The following CHD7 variants were observed in gnomAD, a reference collection of about 807,000 sequenced individuals.
CHD7 encodes the protein ATP-dependent chromatin remodeler CHD7.
A neutral mutation model predicts 307.3 loss-of-function variants in CHD7; 24 were observed. That is an observed-to-expected ratio of 0.08 (90% CI 0.06 to 0.11). The LOEUF is 0.11. Ranked by LOEUF, CHD7 falls within the 10% of genes least tolerant of loss-of-function variation. CHD7 has a pLI of 1.00. For missense variants in CHD7, 3,106 were observed against 3,727.1 expected, an observed-to-expected ratio of 0.83 and a Z score of 4.34; for synonymous variants, 1,363 against 1,349.9, an observed-to-expected ratio of 1.01 and a Z score of -0.21.
At chr8:60,842,311 G>A (rs1805009903) in intron 21 of CHD7, among the ~76,000 whole-genome samples, 1 of 152,140 alleles carries the variant, frequency 6.6e-6, no homozygotes, top group African/African-American at 2.4e-5. Flanking sequence ...CAGATCTAGA[G>A]TTACATGTTG....
chr8:60,815,158 G>A (rs777706685), intron 7 of CHD7, among the ~76,000 whole-genome samples: 70 of 152,008 alleles, frequency 4.6e-4, no homozygotes, highest in Non-Finnish European at 9.4e-4. Context: ...CTCAATTATA[G>A]AAGGACTAAA....
chr8:60,728,796 C>G (rs1275883372), intron 1 of CHD7, among the ~76,000 whole-genome samples: 1 of 152,152 alleles, frequency 6.6e-6, no homozygotes, highest in Non-Finnish European at 1.5e-5. Context: ...AGAATTCTTT[C>G]AAAATTAAGA....
intron 34 of CHD7, among the ~76,000 whole-genome samples, chr8:60,858,594 G>GT (rs1805824020): frequency 6.6e-6 from 1 of 152,038 alleles, no homozygotes; most frequent in South Asian, 2.1e-4. Flanking sequence ...ATATTTGTAG[G>GT]TTTTTTTGTT....
At chr8:60,818,288 C>T (rs1803840667) in intron 8 of CHD7, among the ~76,000 whole-genome samples, 1 of 152,196 alleles carries the variant, frequency 6.6e-6, no homozygotes, top group South Asian at 2.1e-4. Flanking sequence ...AATGTCTATT[C>T]AAAAACATCA....
At chr8:60,774,582 T>C (rs967668937) in intron 2 of CHD7, among the ~76,000 whole-genome samples, 1 of 152,158 alleles carries the variant, frequency 6.6e-6, no homozygotes, top group Admixed American at 6.5e-5. Flanking sequence ...TTGGTACCCC[T>C]GGGCCTGCAG....
intron 34 of CHD7, among the ~76,000 whole-genome samples, chr8:60,858,089 C>G (rs1805796123): frequency 6.6e-6 from 1 of 152,188 alleles, no homozygotes; most frequent in Admixed American, 6.5e-5. Context: ...AACCTTTTCT[C>G]TACTACAATT....
intron 21 of CHD7, among the ~76,000 whole-genome samples, chr8:60,844,347 A>G (rs1222454486): frequency 6.6e-6 from 1 of 152,210 alleles, no homozygotes; most frequent in South Asian, 2.1e-4. Context: ...CTCCGTTTCA[A>G]AAGGAACCTC....
intron 8 of CHD7, among the ~76,000 whole-genome samples, chr8:60,819,599 C>A (rs1803930419): frequency 6.6e-6 from 1 of 152,228 alleles, no homozygotes; most frequent in Non-Finnish European, 1.5e-5. Context: ...AGGCATCGGA[C>A]AACTCCAGGA....
chr8:60,863,724 A>C (rs557096136), intron 37 of CHD7: 1 of 150,386 alleles, frequency 6.6e-6, no homozygotes, highest in South Asian at 2.1e-4. Flanking sequence ...CTCCCATACA[A>C]TATCTTTTTT....
Position 60,853,316 on chromosome 8 carries a change from T to C in CHD7, c.6591T>C (p.Asp2197=). The C allele has an allele frequency of 1.2e-6, 2 of 1,603,148 alleles. No individual in the cohort carries two copies. Among genetic ancestry groups the C allele is most frequent in the East Asian group, 4.5e-5 (2 of 44,676 alleles). The change falls in exon 31 of 38, where the codon GAT becomes GAC. Residue 2197 remains aspartate (D), a synonymous_variant. Coordinates refer to ENST00000423902, the MANE Select transcript of CHD7 (RefSeq NM_017780.4). The part of the protein sequence containing the change: ...CEGKEEEEET[D]GSGKESKQEC... Reference sequence around the variant, plus strand: ...GCAAAGAAGAGGAAGAAGAAACCGATGGCAGCGGGAAGGAGAGCAAGCAGG... The same window carrying C: ...GCAAAGAAGAGGAAGAAGAAACCGACGGCAGCGGGAAGGAGAGCAAGCAGG...
In CHD7 at chr8:60,771,784, C is replaced by G. The variant is rs184523590; in HGVS notation, c.1666-9216C>G. ...GGGCTTCAGTAATTGCTGGCTGTTG[C>G]CTGGGGCCACCTTCAGCTCCTGAAG... On this transcript the variant is annotated intron_variant, in intron 2 of 37. Transcript: ENST00000423902. 1.6e-4 allele frequency among the ~76,000 whole-genome samples: 23 copies of G among 148,270 alleles called. No homozygotes were observed. The Admixed American group carries it at 1.6e-3, about 10-fold the overall frequency.
intron 27 of CHD7, 38 bp from the exon 28 acceptor site, chr8:60,851,224 C>CA: frequency 2.0e-6 from 3 of 1,537,776 alleles, no homozygotes; most frequent in Non-Finnish European, 2.6e-6. Context: ...AATGAGACCC[C>CA]AAATTAAAGT....
intron 1 of CHD7, among the ~76,000 whole-genome samples, chr8:60,737,933 A>G (rs1325750988): frequency 6.6e-6 from 1 of 152,192 alleles, no homozygotes. Context: ...CAGCTCTTAG[A>G]CTAGTGCCTG....
chr8:60,701,449 G>T (rs1006925034), intron 1 of CHD7, among the ~76,000 whole-genome samples: 4 of 152,226 alleles, frequency 2.6e-5, no homozygotes, highest in African/African-American at 9.6e-5. Flanking sequence ...TACTTGGATG[G>T]TTGGTTAGGA....
At chr8:60,850,962 C>T in intron 26 of CHD7, 70 bp from the exon 27 acceptor site, 2 of 1,097,280 alleles carry the variant, frequency 1.8e-6, no homozygotes, top group East Asian at 2.6e-5. Context: ...ATTACTCTTT[C>T]CTACCCACCC....
At chr8:60,746,348 A>G (rs1809326957) in intron 2 of CHD7, among the ~76,000 whole-genome samples, 1 of 152,268 alleles carries the variant, frequency 6.6e-6, no homozygotes, top group South Asian at 2.1e-4. Flanking sequence ...GTGTTGCCAC[A>G]TGTGAGGAGG....
At chr8:60,682,934 A>G (rs1805703567) in intron 1 of CHD7, among the ~76,000 whole-genome samples, 1 of 152,218 alleles carries the variant, frequency 6.6e-6, no homozygotes, top group African/African-American at 2.4e-5. Context: ...TTCTACATGT[A>G]AAAAGTAAGC....
Position 60,852,564 on chromosome 8 carries a change from T to A in CHD7, c.5961T>A (p.Pro1987=). 1 of 1,613,948 alleles carries A rather than the reference T, an allele frequency of 6.2e-7. No homozygotes were observed. The highest frequency in any genetic ancestry group is 1.1e-5 in the South Asian group (1 of 91,056). The change falls in exon 30 of 38, where the codon CCT becomes CCA. Residue 1987 remains proline (P), a synonymous_variant. Transcript: ENST00000423902. ...VVSTFGVIFD[P]VKQQFDWNQF... ...CCACCTTTGGGGTTATTTTTGACCC[T>A]GTGAAACAGCAATTTGACTGGAACC... is the stretch of plus-strand genomic sequence containing the variant.
rs1031548914 is a variant in CHD7 at position 60,819,245 on chromosome 8, G to T, written c.2614-762G>T. Among the ~76,000 whole-genome samples, 185 of 152,152 alleles carry T rather than the reference G, an allele frequency of 1.2e-3. 1 individual carries two copies. Among genetic ancestry groups the T allele is most frequent in the African/African-American group, 4.3e-3 (180 of 41,424 alleles). On this transcript the variant is annotated intron_variant, in intron 8 of 37. Coordinates refer to ENST00000423902, the MANE Select transcript of CHD7 (RefSeq NM_017780.4). Reference sequence around the variant, plus strand: ...TGAGATTACAGGCGTGAGTCACTGTGCCCAGCCTATAACTTTTTTTTGAGT... The same window carrying T: ...TGAGATTACAGGCGTGAGTCACTGTTCCCAGCCTATAACTTTTTTTTGAGT...
Sources: allele counts gnomAD v4.1 joint callset (sites outside exome capture counted in the v4.1 genomes callset), GRCh38; gene constraint gnomAD v4.1.1; transcripts MANE v1.5; gene names NCBI Gene and HGNC (gene_info 2026-07-23, HGNC 2026-07-21).